Variants in EIF4E2 observed in about 807,000 individuals in gnomAD.
EIF4E2 encodes the protein eukaryotic translation initiation factor 4E type 2.
In EIF4E2, 13 loss-of-function variants were observed where a neutral mutation model predicts 34.2. That is an observed-to-expected ratio of 0.38 (90% CI 0.25 to 0.60). The LOEUF (loss-of-function observed/expected upper bound fraction) is 0.60. Among genes scored for constraint, EIF4E2 ranks in the 20% least tolerant of loss-of-function variants. The pLI is 0.62. For missense variants in EIF4E2, 222 were observed against 315.1 expected (o/e 0.70, Z 2.24); for synonymous variants, 100 against 106.6 (o/e 0.94, Z 0.38).
chr2:232,551,279 C>T (rs1346746694), intron 1 of EIF4E2: 1 of 471,824 alleles, frequency 2.1e-6, no homozygotes, highest in African/African-American at 2.0e-5. Context: ...CTTCCTGAGA[C>T]TCTTCCTACT....
chr2:232,560,467 G>A lies in EIF4E2; in HGVS notation c.270+2449G>A, dbSNP rs1401051312. ...AGCCTTCTTAAGTAACACACTAAAC[G>A]CACAAGCAGCAAAAGATTAAATACT... On this transcript the variant is annotated intron_variant, in intron 3 of 6. Coordinates refer to ENST00000258416, the MANE Select transcript of EIF4E2 (RefSeq NM_004846.4). Among the ~76,000 whole-genome samples the A allele has an allele frequency of 3.3e-5, 5 of 152,120 alleles. No homozygotes were observed. The East Asian group carries it at 5.8e-4, about 18-fold the overall frequency.
At chr2:232,563,226 T>A (rs988396266) in intron 3 of EIF4E2, among the ~76,000 whole-genome samples, 1 of 152,190 alleles carries the variant, frequency 6.6e-6, no homozygotes, top group African/African-American at 2.4e-5. Context: ...CAGTACTTAC[T>A]ACGTATCCTC....
chr2:232,575,479 G>A (rs1194204040), intron 6 of EIF4E2, among the ~76,000 whole-genome samples: 2 of 152,232 alleles, frequency 1.3e-5, no homozygotes, highest in African/African-American at 4.8e-5. Flanking sequence ...GTCAACATTA[G>A]TGCCTGGTAT....
At chr2:232,572,228 T>G (rs1693107680), downstream of EIF4E2, among the ~76,000 whole-genome samples, 1 of 152,232 alleles carries the variant, frequency 6.6e-6, no homozygotes, top group South Asian at 2.1e-4. Flanking sequence ...GCTAGACTAT[T>G]CACACCTAGT....
Position 232,552,818 on chromosome 2 carries a change from G to A in EIF4E2, c.20+2074G>A, listed in dbSNP as rs140427033. 2.0e-3 allele frequency among the ~76,000 whole-genome samples: 299 copies of A among 151,750 alleles called. 1 individual carries two copies. Among genetic ancestry groups the A allele is most frequent in the African/African-American group, 7.1e-3 (292 of 41,354 alleles). ...TTGCAGGAAAAAAAAAGAAAAACAA[G>A]CTTTCTTTCATTTGAAATTAGCAGT... On this transcript the variant is annotated intron_variant, in intron 1 of 6. Transcript: ENST00000258416.
rs572423747 is a variant in EIF4E2 at position 232,566,890 on chromosome 2, G to A, written c.437G>A (p.Arg146His). 8 of 1,613,624 alleles carry A rather than the reference G, an allele frequency of 5.0e-6. No homozygotes were observed. Among genetic ancestry groups the A allele is most frequent in the Admixed American group, 3.3e-5 (2 of 59,892 alleles). Residue 146 changes from arginine to histidine, a missense_variant, in exon 5 of 7, where the codon CGT becomes CAT. By Grantham distance (29) the Arg-to-His change is conservative. This residue lies in a region of EIF4E2 where 105 missense variants were observed against 195.1 expected (regional missense o/e 0.54). Transcript: ENST00000258416. This position sits in a 1 kb window ranked among gnomAD's most constrained non-coding sequence, Gnocchi z 4.9. Reference sequence around the variant, plus strand: ...CGGCTGCGGAAGGGCTTGGCCTCCCGTTGCTGGGAGAATCTCATTTTGGCC... The same window carrying A: ...CGGCTGCGGAAGGGCTTGGCCTCCCATTGCTGGGAGAATCTCATTTTGGCC... ...IIRLRKGLAS[R>H]CWENLILAML...
downstream of EIF4E2, chr2:232,569,310 G>A: frequency 8.7e-7 from 1 of 1,146,688 alleles, no homozygotes; most frequent in East Asian, 3.8e-5. Flanking sequence ...TCCATGGAGG[G>A]CCATCCGGGG....
chr2:232,559,455 A>AATAC (rs1171786598), intron 3 of EIF4E2, among the ~76,000 whole-genome samples: 8 of 149,410 alleles, frequency 5.4e-5, no homozygotes, highest in African/African-American at 2.0e-4. Flanking sequence ...TAAAAAAATA[A>AATAC]AATAAAATGC....
At position 232,566,545 on chromosome 2, in the gene EIF4E2, A is replaced by G. The variant is rs1221715249; in HGVS notation, c.376-284A>G. ...TGATCTGTGCTTGAAATATGACATC[A>G]TTTCGTTTTGATTCCTAAAGTATTT... is the stretch of plus-strand genomic sequence containing the variant. On this transcript the variant is annotated intron_variant, in intron 4 of 6. Coordinates refer to ENST00000258416, the MANE Select transcript of EIF4E2 (RefSeq NM_004846.4). This position sits in a 1 kb window ranked among gnomAD's most constrained non-coding sequence, Gnocchi z 4.9. Among the ~76,000 whole-genome samples, 1 of 152,076 alleles carries G rather than the reference A, an allele frequency of 6.6e-6. No individual in the cohort carries two copies. Among genetic ancestry groups the G allele is most frequent in the African/African-American group, 2.4e-5 (1 of 41,390 alleles).
At chr2:232,563,961 A>G (rs983310012) in intron 3 of EIF4E2, among the ~76,000 whole-genome samples, 3 of 152,198 alleles carry the variant, frequency 2.0e-5, no homozygotes, top group African/African-American at 2.4e-5. Flanking sequence ...GCGTATTAAC[A>G]TGGTTTCACC....
downstream of EIF4E2, among the ~76,000 whole-genome samples, chr2:232,572,263 G>A (rs554343326): frequency 7.9e-5 from 12 of 152,254 alleles, no homozygotes; most frequent in South Asian, 2.5e-3. Context: ...TTGCCTCTTG[G>A]CCGAGCTGTG....
At chr2:232,563,511 G>C (rs1018121265) in intron 3 of EIF4E2, among the ~76,000 whole-genome samples, 1 of 152,134 alleles carries the variant, frequency 6.6e-6, no homozygotes, top group Non-Finnish European at 1.5e-5. Flanking sequence ...ACGGGATTGT[G>C]AAGGAGCGGC....
intron 4 of EIF4E2, among the ~76,000 whole-genome samples, chr2:232,565,742 A>G (rs1457575887): frequency 6.6e-6 from 1 of 152,218 alleles, no homozygotes; most frequent in Non-Finnish European, 1.5e-5. Context: ...TAATTATAGT[A>G]TCATTGCTGT....
At chr2:232,550,927 C>T (rs1692286359) in intron 1 of EIF4E2, 183 bp downstream of exon 1, 1 of 671,492 alleles carries the variant, frequency 1.5e-6, no homozygotes, top group Non-Finnish European at 2.5e-6. Context: ...TACCGGAGTC[C>T]CGGAGACCCC....
At chr2:232,567,304 A>G in intron 6 of EIF4E2, 90 bp downstream of exon 6, 1 of 1,574,144 alleles carries the variant, frequency 6.4e-7, no homozygotes, top group Middle Eastern at 1.9e-4. Flanking sequence ...GCCGGACAGG[A>G]GACTTACTTG....
chr2:232,557,717 T>C (rs1046856732), intron 2 of EIF4E2, 167 bp from the exon 3 acceptor site: 15 of 752,868 alleles, frequency 2.0e-5, no homozygotes, highest in African/African-American at 1.9e-4. Flanking sequence ...AGTTAACCAC[T>C]GAGGAAATGT....
At position 232,552,745 on chromosome 2, in the gene EIF4E2, A is replaced by G. The variant is rs1256248494; in HGVS notation, c.20+2001A>G. Among the ~76,000 whole-genome samples, 3 of 151,924 alleles carry G rather than the reference A, an allele frequency of 2.0e-5. No homozygotes were observed. The East Asian group carries it at 5.8e-4, about 29-fold the overall frequency. ...TGGGTCATTTTAATTACTTTGAATT[A>G]TTAACTATTGTATTGAGCCAGAATC... On this transcript the variant is annotated intron_variant, in intron 1 of 6. Transcript: ENST00000258416.
chr2:232,574,824 G>A (rs1693170140), intron 6 of EIF4E2, among the ~76,000 whole-genome samples: 2 of 152,310 alleles, frequency 1.3e-5, no homozygotes, highest in South Asian at 2.1e-4. Context: ...TGTCAGTAAC[G>A]GGGCTGGATT....
intron 2 of EIF4E2, among the ~76,000 whole-genome samples, chr2:232,556,937 T>C (rs1692544097): frequency 6.6e-6 from 1 of 152,068 alleles, no homozygotes; most frequent in South Asian, 2.1e-4. Flanking sequence ...GAGAGAGAGA[T>C]CAATTTTTTC....
Sources: allele counts gnomAD v4.1 joint callset (sites outside exome capture counted in the v4.1 genomes callset), GRCh38; gene constraint gnomAD v4.1.1; regional missense constraint gnomAD v4.1.1; non-coding constraint Gnocchi (gnomAD v3.1); transcripts MANE v1.5; gene names NCBI Gene and HGNC (gene_info 2026-07-23, HGNC 2026-07-21).